DLGAP2: variants seen among roughly 807,000 people sequenced by gnomAD.
DLGAP2 encodes the protein DLG associated protein 2, also known as disks large-associated protein 2.
Under a neutral mutation model 100.3 loss-of-function variants are expected in DLGAP2, and 26 were observed. The observed-to-expected ratio is 0.26, with a 90% CI of 0.19 to 0.36. The LOEUF (loss-of-function observed/expected upper bound fraction) is 0.36, where lower values mean the gene tolerates loss of function less well. Ranked by LOEUF, DLGAP2 falls within the 10% of genes least tolerant of loss-of-function variation. The pLI is 1.00. For missense variants in DLGAP2, 1,858 were observed against 1,453.2 expected, an observed-to-expected ratio of 1.28 and a Z score of -4.53; for synonymous variants, 886 against 630.1, an observed-to-expected ratio of 1.41 and a Z score of -6.08.
intron 2 of DLGAP2, among the ~76,000 whole-genome samples, chr8:1,061,778 G>A (rs573792278): frequency 6.6e-6 from 1 of 152,124 alleles, no homozygotes; most frequent in Admixed American, 6.5e-5. Context: ...GTTGCACTGA[G>A]CCATTTCCGT....
intron 4 of DLGAP2, among the ~76,000 whole-genome samples, chr8:1,528,643 C>G (rs1035395828): frequency 6.6e-6 from 1 of 152,218 alleles, no homozygotes. Context: ...GCCTCTTGTC[C>G]TCAGTCAACA....
chr8:1,343,633 C>T (rs1214202959), intron 3 of DLGAP2, among the ~76,000 whole-genome samples: 6 of 152,196 alleles, frequency 3.9e-5, no homozygotes, highest in Non-Finnish European at 8.8e-5. Flanking sequence ...AGTAAATGCA[C>T]GTCCTGTTTT....
intron 4 of DLGAP2, among the ~76,000 whole-genome samples, chr8:1,517,258 G>C (rs955672616): frequency 2.0e-5 from 3 of 152,184 alleles, no homozygotes; most frequent in African/African-American, 7.2e-5. Flanking sequence ...CAAGCCCTCT[G>C]TGGGGTCAGG....
intron 6 of DLGAP2, among the ~76,000 whole-genome samples, chr8:1,567,783 G>T (rs1048180741): frequency 1.3e-5 from 2 of 152,228 alleles, no homozygotes; most frequent in African/African-American, 4.8e-5. Context: ...AAAACCAGCG[G>T]AAGGATGTGA....
chr8:1,494,400 C>T (rs114966176), intron 3 of DLGAP2, among the ~76,000 whole-genome samples: 2 of 152,158 alleles, frequency 1.3e-5, no homozygotes, highest in Non-Finnish European at 1.5e-5. Context: ...CTTCCCAAAC[C>T]TTGCAGTTGG....
At chr8:828,246 T>G (rs947812719) in intron 1 of DLGAP2, among the ~76,000 whole-genome samples, 88 of 152,338 alleles carry the variant, frequency 5.8e-4, no homozygotes, top group Non-Finnish European at 4.7e-4. Context: ...TTCCTCTTCC[T>G]AATAAGCCTG....
rs1254440380 is a variant in DLGAP2, at chr8:1,678,516, G to A, written c.2591G>A (p.Cys864Tyr). 1.9e-6 allele frequency: 3 copies of A among 1,608,702 alleles called. No individual in the cohort carries two copies. The highest frequency in any genetic ancestry group is 1.1e-5 in the South Asian group (1 of 90,108). The change falls in exon 12 of 15, where the codon TGC (cysteine) becomes TAC (tyrosine). Residue 864 changes from cysteine (C) to tyrosine (Y), a missense_variant. By Grantham distance (194) the Cys-to-Tyr change is radical. Coordinates refer to ENST00000637795, the MANE Select transcript of DLGAP2 (RefSeq NM_001346810.2). ...GTAGAGACTGGGAGGATGTCTCCGT[G>A]CCGCAGGGATGGCTCGTGGTTTTTG... ...DTVETGRMSP[C>Y]RRDGSWFLKL...
intron 2 of DLGAP2, among the ~76,000 whole-genome samples, chr8:965,759 G>C (rs568166919): frequency 7.9e-6 from 1 of 127,014 alleles, no homozygotes; most frequent in Non-Finnish European, 1.6e-5. Context: ...TCCTGAGTCT[G>C]ACCCCTGCGC....
chr8:1,390,003 C>A (rs970547387), intron 3 of DLGAP2, among the ~76,000 whole-genome samples: 1 of 152,122 alleles, frequency 6.6e-6, no homozygotes, highest in Non-Finnish European at 1.5e-5. Context: ...TCTGCACCCA[C>A]GGAGTGTGTC....
chr8:1,697,680 G>T (rs1179642826), intron 14 of DLGAP2, among the ~76,000 whole-genome samples: 1 of 152,164 alleles, frequency 6.6e-6, no homozygotes, highest in Non-Finnish European at 1.5e-5. Context: ...TATTAAGCTG[G>T]CTTCCCACAG....
At chr8:1,104,238 C>A (rs1019634185) in intron 2 of DLGAP2, among the ~76,000 whole-genome samples, 2 of 152,046 alleles carry the variant, frequency 1.3e-5, no homozygotes, top group Admixed American at 1.3e-4. Context: ...TGGAGAGGGG[C>A]GTGCACTGGA....
At chr8:1,053,779 A>G (rs1192441531) in intron 2 of DLGAP2, among the ~76,000 whole-genome samples, 1 of 152,196 alleles carries the variant, frequency 6.6e-6, no homozygotes, top group Non-Finnish European at 1.5e-5. Flanking sequence ...TCATTATAAT[A>G]TTTAAGAACC....
intron 2 of DLGAP2, among the ~76,000 whole-genome samples, chr8:1,003,594 G>T (rs1801022821): frequency 6.6e-6 from 1 of 152,228 alleles, no homozygotes; most frequent in African/African-American, 2.4e-5. Context: ...GGCCAAGGTT[G>T]CCCAGGCTCA....
chr8:1,659,013 A>T (rs1445571668), intron 8 of DLGAP2, among the ~76,000 whole-genome samples: 1 of 152,164 alleles, frequency 6.6e-6, no homozygotes, highest in Non-Finnish European at 1.5e-5. Flanking sequence ...TGTGTCCCAG[A>T]AACTCTGTGT....
At chr8:1,535,553 C>A (rs1373457245) in intron 4 of DLGAP2, among the ~76,000 whole-genome samples, 2 of 152,176 alleles carry the variant, frequency 1.3e-5, no homozygotes, top group Non-Finnish European at 2.9e-5. Context: ...CTGGCACACA[C>A]GTTGTTGTGA....
intron 3 of DLGAP2, among the ~76,000 whole-genome samples, chr8:1,281,023 T>C (rs1376692581): frequency 6.6e-6 from 1 of 152,232 alleles, no homozygotes; most frequent in Non-Finnish European, 1.5e-5. Flanking sequence ...AGCAATGGTC[T>C]TCCTGAGCCT....
At chr8:1,343,673 C>G (rs557121156) in intron 3 of DLGAP2, among the ~76,000 whole-genome samples, 1 of 151,368 alleles carries the variant, frequency 6.6e-6, no homozygotes, top group Non-Finnish European at 1.5e-5. Context: ...AATGGTTCCG[C>G]AGTCAGCTTT....
At chr8:763,573 C>T (rs867421660) in intron 1 of DLGAP2, among the ~76,000 whole-genome samples, 17 of 152,150 alleles carry the variant, frequency 1.1e-4, no homozygotes, top group African/African-American at 3.4e-4. Context: ...GTTGGAGTGA[C>T]AATTTATGAT....
chr8:1,423,993 A>C (rs1451620686), intron 3 of DLGAP2, among the ~76,000 whole-genome samples: 1 of 152,240 alleles, frequency 6.6e-6, no homozygotes, highest in African/African-American at 2.4e-5. Context: ...TGAATTCTGC[A>C]AAAATAGCAG....
Sources: gnomAD v4.1 joint callset for allele counts (sites outside exome capture counted in the v4.1 genomes callset) on GRCh38, gnomAD v4.1.1 for gene constraint, MANE v1.5 for transcripts, NCBI Gene and HGNC (gene_info 2026-07-23, HGNC 2026-07-21) for gene names.